SH3BP4: variants seen among roughly 807,000 people sequenced by gnomAD.
The protein encoded by SH3BP4 is SH3 domain-binding protein 4.
A neutral mutation model predicts 65.5 loss-of-function variants in SH3BP4; 33 were observed. The ratio of observed to expected loss-of-function variants is 0.50; its 90% CI spans 0.38 to 0.67. The LOEUF (loss-of-function observed/expected upper bound fraction) is 0.67. Among genes scored for constraint, SH3BP4 ranks in the 30% least tolerant of loss-of-function variants. SH3BP4 has a pLI of 0.00. For missense variants in SH3BP4, 1,134 were observed against 1,261.4 expected (o/e 0.90, Z 1.53); for synonymous variants, 552 against 545.5 (o/e 1.01, Z -0.17).
intron 3 of SH3BP4, among the ~76,000 whole-genome samples, chr2:235,038,169 C>T (rs1465980655): frequency 7.2e-6 from 1 of 139,486 alleles, no homozygotes; most frequent in African/African-American, 2.6e-5. Flanking sequence ...CACACATACA[C>T]ACACACATAC....
intron 1 of SH3BP4, among the ~76,000 whole-genome samples, chr2:234,975,486 C>T (rs1294084431): frequency 1.3e-5 from 2 of 152,180 alleles, no homozygotes; most frequent in East Asian, 3.9e-4. Context: ...TAGAATCCTA[C>T]CTGCAAGACA....
intron 2 of SH3BP4, among the ~76,000 whole-genome samples, chr2:235,007,665 T>C (rs1694339383): frequency 6.6e-6 from 1 of 152,238 alleles, no homozygotes; most frequent in Non-Finnish European, 1.5e-5. Context: ...GAGGGATTTC[T>C]GGGCGCTGCC....
chr2:235,015,860 C>T (rs1291800640), intron 2 of SH3BP4, among the ~76,000 whole-genome samples: 2 of 152,002 alleles, frequency 1.3e-5, no homozygotes, highest in Non-Finnish European at 2.9e-5. Flanking sequence ...ATGGTATTGC[C>T]AGAAAGAGAC....
At position 235,052,649 on chromosome 2, in the gene SH3BP4, C is replaced by T. The variant is rs267599277; in HGVS notation, c.2566C>T (p.Arg856Cys). 7.6e-6 allele frequency: 12 copies of T among 1,585,870 alleles called. No homozygotes were observed. The highest frequency in any genetic ancestry group is 1.2e-5 in the South Asian group (1 of 86,268). Residue 856 changes from arginine (R) to cysteine (C), a missense_variant, in exon 5 of 6, where the codon CGC becomes TGC. Transcript: ENST00000392011. The surrounding 1 kb of genome is among the most constrained non-coding windows in gnomAD (Gnocchi z 5.0). ...GACCACGGCTGTAGAGGTGGCCCAGCGCTGGCGGGAGCTGGCTGAGAAGCT... is the reference window on the plus strand; with the variant it reads ...GACCACGGCTGTAGAGGTGGCCCAGTGCTGGCGGGAGCTGGCTGAGAAGCT... ...LLTTAVEVAQ[R>C]WRELAEKLAK...
At chr2:234,972,757 T>C (rs751832923) in intron 1 of SH3BP4, among the ~76,000 whole-genome samples, 6 of 152,178 alleles carry the variant, frequency 3.9e-5, no homozygotes, top group Non-Finnish European at 5.9e-5. Context: ...TGAATTGTTT[T>C]AGATAGTGTG....
intron 1 of SH3BP4, among the ~76,000 whole-genome samples, chr2:234,962,812 G>A (rs1204212529): frequency 6.6e-6 from 1 of 151,654 alleles, no homozygotes; most frequent in South Asian, 2.1e-4. Flanking sequence ...TGCAACCTCC[G>A]CCTCCTAGGT....
chr2:235,015,220 A>C (rs1437828649), intron 2 of SH3BP4, among the ~76,000 whole-genome samples: 3 of 152,256 alleles, frequency 2.0e-5, no homozygotes, highest in Non-Finnish European at 4.4e-5. Context: ...ATTCCAGACC[A>C]CAGTGGAACA....
At chr2:235,005,370 C>T (rs1446949663) in intron 2 of SH3BP4, among the ~76,000 whole-genome samples, 2 of 152,012 alleles carry the variant, frequency 1.3e-5, no homozygotes, top group South Asian at 4.1e-4. Context: ...GGGCTCACTC[C>T]GGCTCCCCTG....
chr2:235,050,917 A>G (rs1336926931), intron 4 of SH3BP4, among the ~76,000 whole-genome samples: 1 of 152,172 alleles, frequency 6.6e-6, no homozygotes, highest in Non-Finnish European at 1.5e-5. Context: ...CAGAGCGTAG[A>G]GAGAAAGAAC....
chr2:235,005,805 G>C (rs1201050935), intron 2 of SH3BP4, among the ~76,000 whole-genome samples: 1 of 152,234 alleles, frequency 6.6e-6, no homozygotes, highest in Non-Finnish European at 1.5e-5. Context: ...GAGAGCCAGA[G>C]CATGCTGGCT....
At chr2:235,028,714 G>A (rs191321027) in intron 2 of SH3BP4, among the ~76,000 whole-genome samples, 3 of 152,276 alleles carry the variant, frequency 2.0e-5, no homozygotes, top group Admixed American at 2.0e-4. Flanking sequence ...GTGGTAAAGG[G>A]CAGAGAAAGA....
At chr2:235,003,123 A>T (rs1363919751) in intron 2 of SH3BP4, among the ~76,000 whole-genome samples, 2 of 152,250 alleles carry the variant, frequency 1.3e-5, no homozygotes, top group Non-Finnish European at 2.9e-5. Context: ...AAGCTATCAC[A>T]CGTGAATAGG....
intron 1 of SH3BP4, among the ~76,000 whole-genome samples, chr2:234,986,934 G>A (rs749369904): frequency 2.6e-5 from 4 of 151,768 alleles, no homozygotes; most frequent in African/African-American, 4.8e-5. Context: ...CTCCATGCCC[G>A]GCTAATTTTT....
At chr2:235,008,788 G>T (rs1160045748) in intron 2 of SH3BP4, among the ~76,000 whole-genome samples, 1 of 152,216 alleles carries the variant, frequency 6.6e-6, no homozygotes, top group Admixed American at 6.5e-5. Flanking sequence ...CCTGGTATGG[G>T]CTTGTAGCAG....
At chr2:235,049,911 A>T (rs777777148) in intron 4 of SH3BP4, among the ~76,000 whole-genome samples, 1 of 151,498 alleles carries the variant, frequency 6.6e-6, no homozygotes, top group Non-Finnish European at 1.5e-5. Context: ...TGTAGAACAG[A>T]TGCCTTGCGG....
At chr2:235,012,702 C>G (rs1316128287) in intron 2 of SH3BP4, among the ~76,000 whole-genome samples, 1 of 152,226 alleles carries the variant, frequency 6.6e-6, no homozygotes, top group African/African-American at 2.4e-5. Context: ...GAGTGCATTA[C>G]GCACATCTAA....
At chr2:234,995,148 G>A (rs184181703) in intron 1 of SH3BP4, among the ~76,000 whole-genome samples, 155 bp from the exon 2 acceptor site, 18 of 152,338 alleles carry the variant, frequency 1.2e-4, no homozygotes, top group Admixed American at 4.6e-4. Context: ...CCTGGGGGCC[G>A]CGTGGCAGCG....
At chr2:234,996,305 T>C (rs1216658630) in intron 2 of SH3BP4, among the ~76,000 whole-genome samples, 1 of 152,240 alleles carries the variant, frequency 6.6e-6, no homozygotes, top group Non-Finnish European at 1.5e-5. Flanking sequence ...ACTTGCACTG[T>C]TTCAGGTTTT....
chr2:235,009,515 G>T (rs1255203486), intron 2 of SH3BP4, among the ~76,000 whole-genome samples: 1 of 152,032 alleles, frequency 6.6e-6, no homozygotes, highest in East Asian at 1.9e-4. Flanking sequence ...CCTTCCGTTG[G>T]CCTCCATTAT....
Sources: allele counts gnomAD v4.1 joint callset (sites outside exome capture counted in the v4.1 genomes callset), GRCh38; gene constraint gnomAD v4.1.1; non-coding constraint Gnocchi (gnomAD v3.1); transcripts MANE v1.5; gene names NCBI Gene and HGNC (gene_info 2026-07-23, HGNC 2026-07-21).